The following GLRA2 variants were observed in gnomAD, a reference collection of about 807,000 sequenced individuals.
GLRA2 encodes the protein glycine receptor subunit alpha-2.
GLRA2 carries 11 observed loss-of-function variants against 31.6 expected under a neutral mutation model. The observed-to-expected ratio is 0.35, with a 90% CI of 0.22 to 0.58. The LOEUF is 0.58. Among genes scored for constraint, GLRA2 ranks in the 20% least tolerant of loss-of-function variants. The pLI is 0.84. For synonymous variants in GLRA2, 132 were observed against 134.0 expected, an observed-to-expected ratio of 0.99 and a Z score of 0.10; for missense variants, 212 against 351.8, an observed-to-expected ratio of 0.60 and a Z score of 3.18.
the GLRA2 span, among the ~76,000 whole-genome samples, chrX:14,488,551 A>C: frequency 9.9e-3 from 1,119 of 112,524 alleles, 10 homozygotes; most frequent in African/African-American, 0.035. Context: ...GACATTTAGG[A>C]TATGCCTAGC....
chrX:14,561,281 C>T (rs1040272530), intron 2 of GLRA2, among the ~76,000 whole-genome samples: 2 of 112,308 alleles, frequency 1.8e-5, no homozygotes, highest in African/African-American at 6.5e-5. Context: ...TCCCTATGCT[C>T]TTCCATGTCC....
At position 14,599,752 on chromosome X, in the gene GLRA2, G is replaced by T. The variant is rs147461882; in HGVS notation, c.495-4563G>T. ...TACAGATGTAAAAAGTAATTGCACT[G>T]TATCTTAAGATTTGTGTTTTTTTAC... is the stretch of plus-strand genomic sequence containing the variant. On this transcript the variant is annotated intron_variant, in intron 4 of 8. Transcript: ENST00000218075. 3.8e-3 allele frequency among the ~76,000 whole-genome samples: 425 copies of T among 111,316 alleles called. 2 individuals are homozygous for T. The highest frequency in any genetic ancestry group is 5.3e-3 in the Non-Finnish European group (281 of 52,971).
intron 7 of GLRA2, among the ~76,000 whole-genome samples, chrX:14,628,781 T>A (rs961509370): frequency 9.0e-6 from 1 of 111,402 alleles, no homozygotes; most frequent in Non-Finnish European, 1.9e-5. Context: ...AAAGGGGAAA[T>A]GGCAAACAGG....
intron 2 of GLRA2, among the ~76,000 whole-genome samples, chrX:14,550,010 G>A (rs968399775): frequency 1.8e-5 from 2 of 110,719 alleles, no homozygotes; most frequent in African/African-American, 3.3e-5. Flanking sequence ...AAGCAACCAC[G>A]ACAAGTGCAG....
At chrX:14,695,575 G>A (rs1476663498) in intron 8 of GLRA2, among the ~76,000 whole-genome samples, 1 of 112,094 alleles carries the variant, frequency 8.9e-6, no homozygotes, top group African/African-American at 3.2e-5. Context: ...AGCACAAAGA[G>A]GTTAAATAGC....
chrX:14,468,671 T>C, the GLRA2 span, among the ~76,000 whole-genome samples: 1 of 112,088 alleles, frequency 8.9e-6, no homozygotes, highest in Non-Finnish European at 1.9e-5. Context: ...GTCCTTTGGG[T>C]ATATACCCAG....
At chrX:14,663,633 C>G (rs910654482) in intron 7 of GLRA2, among the ~76,000 whole-genome samples, 7 of 110,266 alleles carry the variant, frequency 6.3e-5, no homozygotes, top group Non-Finnish European at 1.3e-4. Flanking sequence ...TAAGTTATGA[C>G]CAAGTACGAT....
chrX:14,449,125 G>A, the GLRA2 span, among the ~76,000 whole-genome samples: 2 of 112,116 alleles, frequency 1.8e-5, no homozygotes, highest in African/African-American at 6.5e-5. Context: ...CCAAAATATC[G>A]AGTAAACCAT....
chrX:14,500,242 C>T, the GLRA2 span, among the ~76,000 whole-genome samples: 1 of 111,951 alleles, frequency 8.9e-6, no homozygotes, highest in South Asian at 3.7e-4. Flanking sequence ...AGCTAAGTCA[C>T]TGTCTCTTTT....
At chrX:14,530,928 C>T (rs1192391736) in intron 1 of GLRA2, 1 of 862,887 alleles carries the variant, frequency 1.2e-6, no homozygotes, top group Non-Finnish European at 1.4e-6. Flanking sequence ...AAGTATAGGA[C>T]TCTAAATTTA....
At chrX:14,450,511 A>G in the GLRA2 span, among the ~76,000 whole-genome samples, 19 of 111,551 alleles carry the variant, frequency 1.7e-4, no homozygotes, top group African/African-American at 6.2e-4. Flanking sequence ...ACCATTCTAT[A>G]TGCACTGAAA....
At chrX:14,561,034 C>T (rs947971198) in intron 2 of GLRA2, among the ~76,000 whole-genome samples, 3 of 110,975 alleles carry the variant, frequency 2.7e-5, no homozygotes, top group Admixed American at 1.9e-4. Flanking sequence ...ATAACTGAGT[C>T]GTATATATTA....
intron 8 of GLRA2, among the ~76,000 whole-genome samples, chrX:14,692,982 T>G (rs1403808152): frequency 1.8e-5 from 2 of 110,205 alleles, no homozygotes; most frequent in East Asian, 2.8e-4. Flanking sequence ...GCATGGCACA[T>G]GTATACATAT....
chrX:14,650,229 A>T (rs1175352785), intron 7 of GLRA2, among the ~76,000 whole-genome samples: 2 of 111,189 alleles, frequency 1.8e-5, no homozygotes, highest in Non-Finnish European at 3.8e-5. Flanking sequence ...TGCCTCCATT[A>T]AGCTGCTAAG....
chrX:14,534,290 G>A (rs1456548638), intron 2 of GLRA2, among the ~76,000 whole-genome samples: 2 of 108,975 alleles, frequency 1.8e-5, no homozygotes, highest in African/African-American at 6.7e-5. Context: ...AAAAAGAAAT[G>A]GGGTGGATAT....
chrX:14,470,114 T>A, the GLRA2 span, among the ~76,000 whole-genome samples: 2 of 112,007 alleles, frequency 1.8e-5, no homozygotes, highest in East Asian at 5.6e-4. Flanking sequence ...AATTTTTATC[T>A]TCCATTTAGC....
At chrX:14,686,080 A>C (rs1242043807) in intron 7 of GLRA2, among the ~76,000 whole-genome samples, 3 of 111,865 alleles carry the variant, frequency 2.7e-5, no homozygotes, top group Non-Finnish European at 3.8e-5. Flanking sequence ...CCCAGTAGTC[A>C]TTCAGGAACA....
At chrX:14,495,754 T>C in the GLRA2 span, among the ~76,000 whole-genome samples, 1 of 110,161 alleles carries the variant, frequency 9.1e-6, no homozygotes, top group East Asian at 2.8e-4. Context: ...TTATCTGTTT[T>C]ATAGATAAGA....
chrX:14,609,298 C>T, intron 7 of GLRA2, 93 bp downstream of exon 7: 1 of 507,052 alleles, frequency 2.0e-6, no homozygotes, highest in Non-Finnish European at 3.3e-6. Context: ...GTTGGCCACC[C>T]TATGACACTG....
Sources: allele counts gnomAD v4.1 joint callset (sites outside exome capture counted in the v4.1 genomes callset), GRCh38; gene constraint gnomAD v4.1.1; transcripts MANE v1.5; gene names NCBI Gene and HGNC (gene_info 2026-07-23, HGNC 2026-07-21).